The following MYO9A variants were observed in gnomAD, a reference collection of about 807,000 sequenced individuals.
MYO9A encodes the protein myosin IXA.
A neutral mutation model predicts 293.3 loss-of-function variants in MYO9A; 103 were observed. The ratio of observed to expected loss-of-function variants is 0.35; its 90% CI spans 0.30 to 0.41. The LOEUF is 0.41. MYO9A is among the 10% of genes least tolerant of loss of function. MYO9A has a pLI of 1.00. For missense variants in MYO9A, 2,685 were observed against 3,033.0 expected, an observed-to-expected ratio of 0.89 and a Z score of 2.69; for synonymous variants, 1,001 against 1,035.7, an observed-to-expected ratio of 0.97 and a Z score of 0.64.
intron 1 of MYO9A, among the ~76,000 whole-genome samples, chr15:72,072,164 C>T (rs1206184793): frequency 6.7e-6 from 1 of 149,262 alleles, no homozygotes. Context: ...CGGAGTCTTG[C>T]TCTGTCACCC....
intron 13 of MYO9A, among the ~76,000 whole-genome samples, chr15:71,962,579 G>A (rs2075772634): frequency 6.6e-6 from 1 of 152,178 alleles, no homozygotes; most frequent in Non-Finnish European, 1.5e-5. Flanking sequence ...AATAACTACT[G>A]ATGGCAGACA....
intron 13 of MYO9A, among the ~76,000 whole-genome samples, chr15:71,964,127 G>GTA (rs1265244883): frequency 6.6e-6 from 1 of 151,688 alleles, no homozygotes; most frequent in Non-Finnish European, 1.5e-5. Context: ...TTCATTCCTG[G>GTA]TATCTGTAAT....
intron 18 of MYO9A, among the ~76,000 whole-genome samples, chr15:71,925,190 T>TATATATACAC (rs1425327169): frequency 0.032 from 103 of 3,170 alleles, no homozygotes; most frequent in African/African-American, 0.051. Context: ...TATACATGTG[T>TATATATACAC]ATATATACAC....
intron 14 of MYO9A, among the ~76,000 whole-genome samples, chr15:71,956,330 A>AAAAATATATAT (rs10642655): frequency 9.0e-4 from 68 of 75,562 alleles, no homozygotes; most frequent in African/African-American, 4.0e-3. Context: ...AAAAAAAAAA[A>AAAAATATATAT]ATATATATAT....
chr15:71,970,703 T>C (rs1260390847), intron 12 of MYO9A, among the ~76,000 whole-genome samples: 1 of 152,208 alleles, frequency 6.6e-6, no homozygotes, highest in African/African-American at 2.4e-5. Flanking sequence ...TGACAGATGA[T>C]GCAAAGTAAT....
intron 12 of MYO9A, among the ~76,000 whole-genome samples, chr15:71,971,666 T>C (rs566874336): frequency 3.3e-5 from 5 of 151,510 alleles, no homozygotes; most frequent in Admixed American, 2.6e-4. Flanking sequence ...TTAAGATATA[T>C]AGGACGGAAC....
intron 39 of MYO9A, among the ~76,000 whole-genome samples, chr15:71,847,764 G>T (rs1045503751): frequency 6.6e-6 from 1 of 152,114 alleles, no homozygotes; most frequent in Admixed American, 6.5e-5. Flanking sequence ...CTGGGGAAAA[G>T]ATTTAGATAG....
chr15:72,086,903 G>A (rs1168621442), intron 1 of MYO9A, among the ~76,000 whole-genome samples: 1 of 152,062 alleles, frequency 6.6e-6, no homozygotes, highest in Non-Finnish European at 1.5e-5. Flanking sequence ...AAGTAGCTGG[G>A]GTTACAGGCA....
chr15:72,100,227 G>A (rs1359709296), intron 1 of MYO9A, among the ~76,000 whole-genome samples: 1 of 152,142 alleles, frequency 6.6e-6, no homozygotes, highest in African/African-American at 2.4e-5. Context: ...ACAAAAAATA[G>A]AAAAATTAGA....
intron 39 of MYO9A, among the ~76,000 whole-genome samples, chr15:71,847,020 A>T (rs1399058093): frequency 6.6e-6 from 1 of 152,224 alleles, no homozygotes; most frequent in Non-Finnish European, 1.5e-5. Context: ...GCTGAAAGTA[A>T]TAGTAAGTAT....
intron 14 of MYO9A, among the ~76,000 whole-genome samples, chr15:71,958,143 T>C (rs2059246208): frequency 6.6e-6 from 1 of 152,192 alleles, no homozygotes. Flanking sequence ...CTTATTCTCA[T>C]ATCCAACATC....
chr15:72,047,069 C>A (rs1485367688), intron 1 of MYO9A, among the ~76,000 whole-genome samples: 1 of 152,066 alleles, frequency 6.6e-6, no homozygotes, highest in Non-Finnish European at 1.5e-5. Context: ...AGCATCCCAA[C>A]AATGGAGCAA....
At chr15:72,086,351 G>A (rs2079727977) in intron 1 of MYO9A, among the ~76,000 whole-genome samples, 1 of 150,844 alleles carries the variant, frequency 6.6e-6, no homozygotes, top group African/African-American at 2.4e-5. Context: ...GGTGGGGATG[G>A]CCACTCAGGG....
chr15:72,044,009 T>C (rs1018229422), intron 2 of MYO9A, among the ~76,000 whole-genome samples: 1 of 151,834 alleles, frequency 6.6e-6, no homozygotes, highest in Non-Finnish European at 1.5e-5. Flanking sequence ...TTTTCATATA[T>C]GTCTGCAGTG....
At chr15:71,866,645 T>G (rs1374882815) in intron 32 of MYO9A, among the ~76,000 whole-genome samples, 2 of 152,134 alleles carry the variant, frequency 1.3e-5, no homozygotes, top group African/African-American at 4.8e-5. Context: ...CTACATTAAT[T>G]TATAAATATA....
intron 34 of MYO9A, among the ~76,000 whole-genome samples, chr15:71,858,085 A>C (rs2055939267): frequency 6.6e-6 from 1 of 152,310 alleles, no homozygotes; most frequent in Non-Finnish European, 1.5e-5. Context: ...TGGAATGGCG[A>C]TCATTAAAAA....
Position 71,827,879 on chromosome 15 carries a change from C to T in MYO9A, c.7183+5G>A. ...TGGAGTCTTTGGTCTACCATGTTCA[C>T]TTACCTGATTTCTCAGAGATAGCAT... On this transcript the variant is annotated splice_donor_5th_base_variant and intron_variant, in intron 41 of 41. Coordinates refer to ENST00000356056, the MANE Select transcript of MYO9A (RefSeq NM_006901.4). The T allele has an allele frequency of 6.2e-7, 1 of 1,611,582 alleles. No homozygotes were observed. The highest frequency in any genetic ancestry group is 8.5e-7 in the Non-Finnish European group (1 of 1,179,192).
At chr15:71,918,940 T>G (rs902347113) in intron 18 of MYO9A, among the ~76,000 whole-genome samples, 1 of 152,230 alleles carries the variant, frequency 6.6e-6, no homozygotes, top group African/African-American at 2.4e-5. Context: ...GAATACTCTA[T>G]AGCCGGGCCC....
At chr15:72,074,900 T>TTAGC in intron 1 of MYO9A, among the ~76,000 whole-genome samples, 1 of 151,186 alleles carries the variant, frequency 6.6e-6, no homozygotes, top group South Asian at 2.1e-4. Context: ...GTCTGAGGAA[T>TTAGC]TAGCATGTCT....
Sources: allele counts gnomAD v4.1 joint callset (sites outside exome capture counted in the v4.1 genomes callset), GRCh38; gene constraint gnomAD v4.1.1; transcripts MANE v1.5; gene names NCBI Gene and HGNC (gene_info 2026-07-23, HGNC 2026-07-21).